ZFHX3: variants seen among roughly 807,000 people sequenced by gnomAD.
ZFHX3 encodes the protein zinc finger homeobox 3, also known as zinc finger homeobox protein 3.
A neutral mutation model predicts 279.1 loss-of-function variants in ZFHX3; 42 were observed. The observed-to-expected ratio is 0.15, with a 90% CI of 0.12 to 0.19. The LOEUF (loss-of-function observed/expected upper bound fraction) is 0.19. Ranked by LOEUF, ZFHX3 falls within the 10% of genes least tolerant of loss-of-function variation. The pLI is 1.00. For missense variants in ZFHX3, 4,981 were observed against 4,754.0 expected (o/e 1.05, Z -1.40); for synonymous variants, 2,293 against 1,957.8 (o/e 1.17, Z -4.52).
In ZFHX3 at chr16:72,900,253, G is replaced by T. The variant is rs1022550121; in HGVS notation, c.3217-10291C>A. 2.0e-5 allele frequency among the ~76,000 whole-genome samples: 3 copies of T among 152,140 alleles called. No individual in the cohort carries two copies. The South Asian group carries it at 6.2e-4, about 32-fold the overall frequency. ...TCATGTCTGCCAATATCCTGGGTGA[G>T]GAGCAGGGAAGGGAGGAGAGTTCGG... On this transcript the variant is annotated intron_variant, in intron 3 of 9. Transcript: ENST00000268489.
chr16:73,023,628 C>T (rs779530462), intron 1 of ZFHX3, among the ~76,000 whole-genome samples: 16 of 152,206 alleles, frequency 1.1e-4, no homozygotes, highest in South Asian at 2.1e-4. Context: ...CCTAATGCAT[C>T]CTTCAGGTAG....
intron 1 of ZFHX3, among the ~76,000 whole-genome samples, chr16:73,756,375 C>T (rs369911672): frequency 5.3e-5 from 8 of 152,106 alleles, no homozygotes; most frequent in African/African-American, 9.7e-5. Flanking sequence ...ATGACTGACA[C>T]GGGCTAGAAT....
intron 1 of ZFHX3, among the ~76,000 whole-genome samples, chr16:73,832,924 G>A (rs866457231): frequency 1.9e-4 from 29 of 152,232 alleles, no homozygotes; most frequent in Admixed American, 3.3e-4. Flanking sequence ...TCATGAGGCA[G>A]GCTATATGAC....
At chr16:73,879,527 G>A (rs546239911) in intron 1 of ZFHX3, among the ~76,000 whole-genome samples, 16 of 152,152 alleles carry the variant, frequency 1.1e-4, no homozygotes, top group Non-Finnish European at 2.2e-4. Context: ...TGGGAAGGAG[G>A]TAGGGTCACC....
At chr16:73,357,243 T>C (rs6563925) in intron 3 of ZFHX3, among the ~76,000 whole-genome samples, 59,527 of 151,734 alleles carry the variant, frequency 0.39, 14,623 homozygotes, top group African/African-American at 0.7. Flanking sequence ...AGCAAGAATA[T>C]TTGTTACTCG....
intron 5 of ZFHX3, among the ~76,000 whole-genome samples, chr16:73,235,714 C>T (rs961594034): frequency 6.6e-6 from 1 of 152,106 alleles, no homozygotes; most frequent in African/African-American, 2.4e-5. Flanking sequence ...GCTCTGTCGC[C>T]CATGCTGGAG....
chr16:73,059,934 G>A (rs1417924012), upstream of ZFHX3, among the ~76,000 whole-genome samples: 1 of 152,090 alleles, frequency 6.6e-6, no homozygotes, highest in African/African-American at 2.4e-5. Flanking sequence ...AACTGAAAGG[G>A]GATAACTTCA....
intron 7 of ZFHX3, among the ~76,000 whole-genome samples, chr16:72,803,050 G>A (rs575720907): frequency 1.5e-4 from 23 of 152,180 alleles, no homozygotes; most frequent in Non-Finnish European, 2.5e-4. Context: ...CCCAGCTGTC[G>A]GCCGGGTGCG....
intron 2 of ZFHX3, among the ~76,000 whole-genome samples, chr16:72,956,831 C>CA (rs11402709): frequency 0.17 from 25,721 of 148,326 alleles, 2,791 homozygotes; most frequent in Admixed American, 0.27. Context: ...CAAAAATAAG[C>CA]AAAAAAAAAA....
At chr16:73,638,590 A>G (rs1309590804) in intron 2 of ZFHX3, among the ~76,000 whole-genome samples, 1 of 152,176 alleles carries the variant, frequency 6.6e-6, no homozygotes, top group African/African-American at 2.4e-5. Flanking sequence ...GTATGCTTAC[A>G]TACAGTTTGC....
chr16:73,264,615 C>T (rs371724449), intron 4 of ZFHX3, among the ~76,000 whole-genome samples: 1 of 151,098 alleles, frequency 6.6e-6, no homozygotes, highest in Non-Finnish European at 1.5e-5. Flanking sequence ...ATTTGGGGAA[C>T]GGGTGGTATT....
At chr16:73,171,169 C>G (rs1194665658) in intron 5 of ZFHX3, among the ~76,000 whole-genome samples, 1 of 151,882 alleles carries the variant, frequency 6.6e-6, no homozygotes, top group Non-Finnish European at 1.5e-5. Flanking sequence ...TTCATCCCCC[C>G]AAAAAAGCCC....
At chr16:73,784,720 C>T (rs908016662) in intron 1 of ZFHX3, among the ~76,000 whole-genome samples, 1 of 150,868 alleles carries the variant, frequency 6.6e-6, no homozygotes, top group African/African-American at 2.4e-5. Flanking sequence ...GCACTCCAGC[C>T]TGGTGAAAGA....
At chr16:73,608,464 A>G (rs1164673152) in intron 2 of ZFHX3, among the ~76,000 whole-genome samples, 3 of 152,246 alleles carry the variant, frequency 2.0e-5, no homozygotes. Context: ...CAGACCAGGT[A>G]AAATGACTTA....
intron 8 of ZFHX3, among the ~76,000 whole-genome samples, chr16:73,070,924 GCGCGCGCGCGCGCGCACA>G (rs1469609189): frequency 2.8e-4 from 9 of 31,910 alleles, no homozygotes; most frequent in African/African-American, 5.0e-4. Context: ...TTGCGCGCGC[GCGCGCGCGCGCGCGCACA>G]CACACACACA....
chr16:73,162,791 T>C (rs1452111642), intron 5 of ZFHX3, among the ~76,000 whole-genome samples: 2 of 152,184 alleles, frequency 1.3e-5, no homozygotes, highest in Admixed American at 1.3e-4. Context: ...AATAAAAATA[T>C]TTATTTTCAG....
At chr16:73,837,991 A>C (rs1300853062) in intron 1 of ZFHX3, among the ~76,000 whole-genome samples, 1 of 152,236 alleles carries the variant, frequency 6.6e-6, no homozygotes, top group Admixed American at 6.5e-5. Flanking sequence ...TAGGGATAGA[A>C]GATTGTCCAT....
intron 3 of ZFHX3, among the ~76,000 whole-genome samples, chr16:72,908,807 A>T (rs2039250017): frequency 6.6e-6 from 1 of 152,246 alleles, no homozygotes; most frequent in African/African-American, 2.4e-5. Flanking sequence ...ATGATGAAGC[A>T]GCTAATAATG....
intron 1 of ZFHX3, among the ~76,000 whole-genome samples, chr16:73,788,359 C>G (rs1959723663): frequency 6.6e-6 from 1 of 152,178 alleles, no homozygotes; most frequent in Admixed American, 6.5e-5. Context: ...GTAGAGAGGG[C>G]AAAACACCCA....
Sources: allele counts gnomAD v4.1 joint callset (sites outside exome capture counted in the v4.1 genomes callset), GRCh38; gene constraint gnomAD v4.1.1; transcripts MANE v1.5; gene names NCBI Gene and HGNC (gene_info 2026-07-23, HGNC 2026-07-21).